SCN8A: variants seen among roughly 807,000 people sequenced by gnomAD.
SCN8A encodes sodium voltage-gated channel alpha subunit 8.
SCN8A carries 30 observed loss-of-function variants against 184.1 expected under a neutral mutation model. The observed-to-expected ratio is 0.16, with a 90% confidence interval of 0.12 to 0.22. The LOEUF is 0.22. Among genes scored for constraint, SCN8A ranks in the 10% least tolerant of loss-of-function variants. The probability of loss-of-function intolerance (pLI) is 1.00; values close to 1 mark genes in which losing one functional copy is unlikely to be tolerated. For synonymous variants in SCN8A, 852 were observed against 907.0 expected (o/e 0.94, Z 1.09); for missense variants, 1,057 against 2,498.9 (o/e 0.42, Z 12.30).
At chr12:51,623,733 T>C (rs1180436493) in intron 1 of SCN8A, among the ~76,000 whole-genome samples, 1 of 152,198 alleles carries the variant, frequency 6.6e-6, no homozygotes, top group East Asian at 1.9e-4. Context: ...CATTTAACAT[T>C]AGGTATATCT....
At chr12:51,642,163 C>T (rs1001195864) in intron 1 of SCN8A, among the ~76,000 whole-genome samples, 1 of 152,138 alleles carries the variant, frequency 6.6e-6, no homozygotes. Context: ...TCCACTTTCT[C>T]TTCCTACCTA....
chr12:51,711,690 T>C (rs942084613), intron 11 of SCN8A, among the ~76,000 whole-genome samples: 1 of 150,744 alleles, frequency 6.6e-6, no homozygotes, highest in African/African-American at 2.4e-5. Context: ...GTCAGTTTCT[T>C]TTATTTCCAT....
intron 1 of SCN8A, among the ~76,000 whole-genome samples, chr12:51,659,248 A>G (rs185461371): frequency 6.6e-6 from 1 of 152,320 alleles, no homozygotes; most frequent in Non-Finnish European, 1.5e-5. Context: ...TACTTATATG[A>G]GGTTCAGGTA....
At chr12:51,610,985 T>C (rs2138577163) in intron 1 of SCN8A, among the ~76,000 whole-genome samples, 1 of 152,374 alleles carries the variant, frequency 6.6e-6, no homozygotes, top group Middle Eastern at 3.4e-3. Context: ...AGCTTTTATA[T>C]CTGCAAAAAC....
At position 51,811,486 on chromosome 12, in the gene SCN8A, T is replaced by C. The variant is rs565892477; in HGVS notation, c.*4057T>C. 1 of 152,504 alleles carries C rather than the reference T, an allele frequency of 6.6e-6. No individual in the cohort carries two copies. The highest frequency in any genetic ancestry group is 1.5e-5 in the Non-Finnish European group (1 of 68,146). 9.4% of individuals were successfully genotyped at this position (152,504 alleles called of 1,614,324 possible). A position where few individuals can be genotyped will look rare whatever the true frequency, so the allele number is the denominator to read the frequency against. ...AACAAAAACAAAAAAACCCTATCCC[T>C]GTGCCCCAAAGCTAGGGCATGTGCG... On this transcript the variant is annotated 3_prime_UTR_variant, in exon 27 of 27. Transcript: ENST00000627620.
At chr12:51,658,728 T>C (rs1268610515) in intron 1 of SCN8A, among the ~76,000 whole-genome samples, 6 of 152,214 alleles carry the variant, frequency 3.9e-5, no homozygotes, top group Admixed American at 1.3e-4. Context: ...AGATAACTGG[T>C]AGTGTGAATG....
intron 26 of SCN8A, among the ~76,000 whole-genome samples, chr12:51,801,639 G>A (rs73107250): frequency 0.087 from 13,304 of 152,218 alleles, 810 homozygotes; most frequent in South Asian, 0.19. Context: ...CAGAATCCCT[G>A]CTTAGTGGGC....
At chr12:51,679,276 C>T (rs1941283934) in intron 2 of SCN8A, among the ~76,000 whole-genome samples, 1 of 152,036 alleles carries the variant, frequency 6.6e-6, no homozygotes, top group Non-Finnish European at 1.5e-5. Context: ...AAATAGAAAG[C>T]TAGTCAGATG....
At chr12:51,611,135 A>G (rs1939710794) in intron 1 of SCN8A, among the ~76,000 whole-genome samples, 1 of 151,748 alleles carries the variant, frequency 6.6e-6, no homozygotes, top group Non-Finnish European at 1.5e-5. Context: ...TTTCATCAGC[A>G]TCTTATAGTT....
intron 18 of SCN8A, 124 bp downstream of exon 18, chr12:51,770,109 C>T (rs1293976643): frequency 1.5e-6 from 1 of 677,440 alleles, no homozygotes; most frequent in African/African-American, 1.8e-5. Flanking sequence ...TGCTCCCCAC[C>T]CCACCATTTT....
At chr12:51,598,387 T>G (rs1218209437) in intron 1 of SCN8A, among the ~76,000 whole-genome samples, 1 of 152,122 alleles carries the variant, frequency 6.6e-6, no homozygotes, top group African/African-American at 2.4e-5. Context: ...GAAGGTGGTT[T>G]TTGTTGTTGT....
At chr12:51,756,552 C>G (rs888493101) in intron 14 of SCN8A, among the ~76,000 whole-genome samples, 5 of 152,242 alleles carry the variant, frequency 3.3e-5, no homozygotes, top group Non-Finnish European at 7.3e-5. Flanking sequence ...GTGTGGACGT[C>G]CTCCCACCAC....
At chr12:51,602,497 G>T (rs1349536246) in intron 1 of SCN8A, among the ~76,000 whole-genome samples, 2 of 152,190 alleles carry the variant, frequency 1.3e-5, no homozygotes, top group African/African-American at 4.8e-5. Context: ...GTTTCAGCTT[G>T]AGAAAATGAG....
intron 25 of SCN8A, among the ~76,000 whole-genome samples, chr12:51,791,897 A>G (rs77795307): frequency 0.026 from 4,020 of 152,248 alleles, 161 homozygotes; most frequent in African/African-American, 0.089. Context: ...AAAATAAAAT[A>G]AAATATTTTA....
intron 11 of SCN8A, chr12:51,712,719 A>G (rs1399183149): frequency 6.7e-6 from 7 of 1,042,090 alleles, no homozygotes; most frequent in East Asian, 2.4e-5. Context: ...CTTGGTTTCC[A>G]TATCCTGGTC....
intron 1 of SCN8A, among the ~76,000 whole-genome samples, chr12:51,611,589 C>T (rs1939721888): frequency 6.6e-6 from 1 of 151,350 alleles, no homozygotes; most frequent in Non-Finnish European, 1.5e-5. Flanking sequence ...CCTCTGCCTC[C>T]TGGGTTCAGG....
chr12:51,659,852 A>G (rs1173210486), intron 1 of SCN8A, among the ~76,000 whole-genome samples: 5 of 152,204 alleles, frequency 3.3e-5, no homozygotes, highest in South Asian at 2.1e-4. Context: ...TCCATGCTGG[A>G]TGGCTGGTCC....
intron 13 of SCN8A, among the ~76,000 whole-genome samples, chr12:51,750,057 A>T (rs571488967): frequency 6.6e-6 from 1 of 152,292 alleles, no homozygotes; most frequent in Admixed American, 6.5e-5. Flanking sequence ...AGATTGTTGT[A>T]ACTGCCAGTT....
At chr12:51,784,050 TTAAG>T (rs929960412) in intron 21 of SCN8A, among the ~76,000 whole-genome samples, 3 of 152,234 alleles carry the variant, frequency 2.0e-5, no homozygotes, top group Non-Finnish European at 4.4e-5. Flanking sequence ...ATCAAATTCA[TTAAG>T]TGACTACCAG....
Sources: gnomAD v4.1 joint callset for allele counts (sites outside exome capture counted in the v4.1 genomes callset) on GRCh38, gnomAD v4.1.1 for gene constraint, MANE v1.5 for transcripts, NCBI Gene and HGNC (gene_info 2026-07-23, HGNC 2026-07-21) for gene names.